SPAG16: variants seen among roughly 807,000 people sequenced by gnomAD.
SPAG16 encodes sperm associated antigen 16.
In SPAG16, 86 loss-of-function variants were observed where a neutral mutation model predicts 80.4. That is an observed-to-expected ratio of 1.07 (90% CI 0.90 to 1.28). SPAG16 has a LOEUF of 1.28. SPAG16 is among the 50% of genes most tolerant of loss of function. The pLI is 0.00. For synonymous variants in SPAG16, 294 were observed against 265.9 expected, an observed-to-expected ratio of 1.11 and a Z score of -1.03; for missense variants, 870 against 765.3, an observed-to-expected ratio of 1.14 and a Z score of -1.61.
intron 13 of SPAG16, among the ~76,000 whole-genome samples, chr2:214,080,170 G>C (rs976788935): frequency 2.0e-5 from 3 of 152,050 alleles, no homozygotes; most frequent in Non-Finnish European, 2.9e-5. Flanking sequence ...CAAAAGTGAG[G>C]CTGAGAATTC....
chr2:213,652,675 G>T (rs2063066014), intron 10 of SPAG16, among the ~76,000 whole-genome samples: 1 of 151,742 alleles, frequency 6.6e-6, no homozygotes, highest in Admixed American at 6.6e-5. Context: ...GTGTTTATTT[G>T]TCTGTTAATG....
intron 9 of SPAG16, among the ~76,000 whole-genome samples, chr2:213,461,900 GTA>G (rs1356103477): frequency 2.0e-5 from 3 of 152,134 alleles, no homozygotes; most frequent in Non-Finnish European, 2.9e-5. Flanking sequence ...ATGTGTATGT[GTA>G]TGTGTGTGTG....
chr2:213,589,489 C>T (rs768721814), intron 10 of SPAG16, among the ~76,000 whole-genome samples: 2 of 152,124 alleles, frequency 1.3e-5, no homozygotes, highest in Non-Finnish European at 1.5e-5. Context: ...TTTTATAATA[C>T]AAATTGGAGC....
chr2:214,183,960 T>A (rs555928037), intron 15 of SPAG16, among the ~76,000 whole-genome samples: 5 of 152,120 alleles, frequency 3.3e-5, no homozygotes, highest in African/African-American at 4.8e-5. Context: ...TGACTCATTA[T>A]CTCAATACCA....
At chr2:213,719,723 T>G (rs2125389834) in intron 10 of SPAG16, among the ~76,000 whole-genome samples, 1 of 152,300 alleles carries the variant, frequency 6.6e-6, no homozygotes, top group African/African-American at 2.4e-5. Context: ...ATAGGAATGC[T>G]TTTACACTGT....
At chr2:213,906,724 C>T (rs2077449471) in intron 11 of SPAG16, among the ~76,000 whole-genome samples, 1 of 152,024 alleles carries the variant, frequency 6.6e-6, no homozygotes, top group African/African-American at 2.4e-5. Context: ...TATTTACAGC[C>T]AACTGATTTT....
chr2:213,722,912 T>C (rs1396042601), intron 10 of SPAG16, among the ~76,000 whole-genome samples: 1 of 152,214 alleles, frequency 6.6e-6, no homozygotes, highest in Admixed American at 6.5e-5. Flanking sequence ...AAGCCTCTTT[T>C]ATAAGGGCAT....
At chr2:213,308,934 A>G (rs187042651) in intron 3 of SPAG16, among the ~76,000 whole-genome samples, 1 of 152,088 alleles carries the variant, frequency 6.6e-6, no homozygotes, top group Non-Finnish European at 1.5e-5. Context: ...TGACATATAC[A>G]CTAAGATCTC....
chr2:213,449,818 A>G (rs2071579566), intron 9 of SPAG16, among the ~76,000 whole-genome samples: 1 of 113,822 alleles, frequency 8.8e-6, no homozygotes, highest in Non-Finnish European at 2.1e-5. Flanking sequence ...AATAAAATAG[A>G]TAAAATAAAA....
At chr2:214,199,441 A>G (rs936309746) in intron 15 of SPAG16, among the ~76,000 whole-genome samples, 1 of 152,020 alleles carries the variant, frequency 6.6e-6, no homozygotes, top group African/African-American at 2.4e-5. Flanking sequence ...TGGGTTCTCT[A>G]TTCTGTTCCC....
intron 15 of SPAG16, among the ~76,000 whole-genome samples, chr2:214,346,993 A>G (rs1239434480): frequency 2.0e-5 from 3 of 152,196 alleles, no homozygotes; most frequent in African/African-American, 7.2e-5. Context: ...TCAGTAGACA[A>G]TGTTAACAGA....
chr2:213,750,598 T>C (rs1407891129), intron 10 of SPAG16, among the ~76,000 whole-genome samples: 1 of 152,198 alleles, frequency 6.6e-6, no homozygotes, highest in Non-Finnish European at 1.5e-5. Flanking sequence ...GTTTAGGCGT[T>C]GGTCATAGTG....
At chr2:214,288,752 C>CTTATTTATTTAT (rs58056064) in intron 15 of SPAG16, among the ~76,000 whole-genome samples, 81,951 of 141,206 alleles carry the variant, frequency 0.58, 24,273 homozygotes, top group East Asian at 0.71. Flanking sequence ...CCTTTGCCCA[C>CTTATTTATTTAT]TTATTTATTT....
At chr2:213,939,179 A>G (rs1182635593) in intron 12 of SPAG16, among the ~76,000 whole-genome samples, 2 of 152,308 alleles carry the variant, frequency 1.3e-5, no homozygotes, top group South Asian at 4.1e-4. Flanking sequence ...ACAACTAATT[A>G]CTAAAAATCA....
intron 14 of SPAG16, among the ~76,000 whole-genome samples, chr2:214,141,600 A>T (rs1486853968): frequency 6.6e-6 from 1 of 152,178 alleles, no homozygotes; most frequent in Non-Finnish European, 1.5e-5. Context: ...TTTCCATAAG[A>T]TATTTAAACA....
chr2:213,833,520 TA>T (rs1168249247), intron 10 of SPAG16, among the ~76,000 whole-genome samples: 7 of 7,814 alleles, frequency 9.0e-4, no homozygotes, highest in Admixed American at 2.9e-3. Flanking sequence ...ATAATATATA[TA>T]ATATATATAT....
At chr2:213,852,588 A>G (rs563157614) in intron 10 of SPAG16, among the ~76,000 whole-genome samples, 2 of 152,176 alleles carry the variant, frequency 1.3e-5, no homozygotes, top group African/African-American at 4.8e-5. Context: ...GTCACCTGTG[A>G]CTGAAACCAT....
intron 10 of SPAG16, among the ~76,000 whole-genome samples, chr2:213,497,756 C>A (rs1385561100): frequency 6.6e-6 from 1 of 152,024 alleles, no homozygotes; most frequent in East Asian, 1.9e-4. Context: ...TGAAACTATG[C>A]TTTTCTGCCT....
intron 10 of SPAG16, among the ~76,000 whole-genome samples, chr2:213,827,604 C>A (rs147008614): frequency 6.6e-6 from 1 of 152,246 alleles, no homozygotes; most frequent in Non-Finnish European, 1.5e-5. Context: ...TGATTCTTTA[C>A]TATTACCAGT....
Sources: allele counts gnomAD v4.1 joint callset (sites outside exome capture counted in the v4.1 genomes callset), GRCh38; gene constraint gnomAD v4.1.1; transcripts MANE v1.5; gene names NCBI Gene and HGNC (gene_info 2026-07-23, HGNC 2026-07-21).